ZSCAN20: variants seen among roughly 807,000 people sequenced by gnomAD.
The protein encoded by ZSCAN20 is zinc finger and SCAN domain-containing protein 20.
In ZSCAN20, 39 loss-of-function variants were observed where a neutral mutation model predicts 97.1. The observed-to-expected ratio is 0.40, with a 90% CI of 0.31 to 0.52. The LOEUF (loss-of-function observed/expected upper bound fraction) is 0.52. Ranked by LOEUF, ZSCAN20 falls within the 20% of genes least tolerant of loss-of-function variation. The pLI is 0.49. For missense variants in ZSCAN20, 1,115 were observed against 1,290.4 expected, an observed-to-expected ratio of 0.86 and a Z score of 2.08; for synonymous variants, 456 against 467.3, an observed-to-expected ratio of 0.98 and a Z score of 0.31.
chr1:33,490,088 G>A (rs1005799670), intron 5 of ZSCAN20, among the ~76,000 whole-genome samples: 2 of 152,148 alleles, frequency 1.3e-5, no homozygotes, highest in African/African-American at 4.8e-5. Flanking sequence ...ATAGGGAGCC[G>A]TTTCCCTGTG....
chr1:33,475,180 A>G (rs1651873272), intron 1 of ZSCAN20, among the ~76,000 whole-genome samples: 1 of 152,230 alleles, frequency 6.6e-6, no homozygotes. Flanking sequence ...AAGAAAAATG[A>G]TTGGAGAAAA....
At position 33,494,857 on chromosome 1, in the gene ZSCAN20, G is replaced by T. The variant is rs137945404; in HGVS notation, c.2513G>T (p.Ser838Ile). The T allele has an allele frequency of 6.2e-7, 1 of 1,614,212 alleles. No homozygotes were observed. The highest frequency in any genetic ancestry group is 8.5e-7 in the Non-Finnish European group (1 of 1,180,042). ...AACTTTGCCCAAAGCCCATCTTTTA[G>T]TGCTCACTGGAGGAATTCTACAGAA... The part of the protein sequence containing the change: ...GGNFAQSPSF[S>I]AHWRNSTEET... Residue 838 changes from serine (S) to isoleucine (I), a missense_variant, in exon 8 of 8, where the codon AGT (serine) becomes ATT (isoleucine). Physicochemically the swap from Ser to Ile is moderately radical, Grantham distance 142. Around this residue, in one of 3 missense-constraint regions of ZSCAN20, gnomAD observed 554 missense variants for 584.9 expected, o/e 0.95. Coordinates refer to ENST00000684572, the MANE Select transcript of ZSCAN20 (RefSeq NM_001377376.1).
rs2641958 is a variant in ZSCAN20 at position 33,499,777 on chromosome 1, G to T, written c.*4301G>T. On this transcript the variant is annotated 3_prime_UTR_variant, in exon 8 of 8. Transcript: ENST00000684572. The stretch of plus-strand genomic sequence containing the variant: ...AATATTCCCTTACCCCATTTTTTTT[G>T]GGGGGGAGATGGGGGTCTTGTGTTG... Among the ~76,000 whole-genome samples the T allele has an allele frequency of 0.77, 115,476 of 150,928 alleles. 44,429 individuals carry two copies. Among genetic ancestry groups the T allele is most frequent in the African/African-American group, 0.81 (33,292 of 41,026 alleles).
chr1:33,485,361 G>A (rs556749442), intron 2 of ZSCAN20, among the ~76,000 whole-genome samples: 3 of 152,218 alleles, frequency 2.0e-5, no homozygotes, highest in South Asian at 4.2e-4. Context: ...GGGATCTGTA[G>A]TGATGTCTCT....
intron 2 of ZSCAN20, among the ~76,000 whole-genome samples, chr1:33,480,238 G>T (rs572563702): frequency 6.6e-6 from 1 of 152,348 alleles, no homozygotes; most frequent in East Asian, 1.9e-4. Context: ...GCCGGGAGTG[G>T]TGGCTCACGC....
chr1:33,473,209 T>C (rs1001360941), intron 1 of ZSCAN20, among the ~76,000 whole-genome samples: 1 of 152,184 alleles, frequency 6.6e-6, no homozygotes, highest in African/African-American at 2.4e-5. Flanking sequence ...CCTTATGTCT[T>C]ATGGAAGTCA....
intron 2 of ZSCAN20, among the ~76,000 whole-genome samples, chr1:33,482,489 G>A (rs1012917723): frequency 6.6e-6 from 1 of 152,154 alleles, no homozygotes; most frequent in African/African-American, 2.4e-5. Flanking sequence ...GGACATCTTG[G>A]TTCCATCAAA....
In ZSCAN20 at chr1:33,495,580, C is replaced by A; in HGVS notation, c.*104C>A. 1 of 1,108,756 alleles carries A rather than the reference C, an allele frequency of 9.0e-7. No individual in the cohort carries two copies. Among genetic ancestry groups the A allele is most frequent in the Non-Finnish European group, 1.2e-6 (1 of 840,270 alleles). The allele number at this position is 1,108,756 out of a possible 1,614,324, so 68.7% of individuals were successfully genotyped here. A position where few individuals can be genotyped will look rare whatever the true frequency, so the allele number is the denominator to read the frequency against. ...CCAATTTTTAAGCTTGGTGTGTACC[C>A]AGGGAAGTTATCTTGGTATAAACCA... On this transcript the variant is annotated 3_prime_UTR_variant, in exon 8 of 8. Transcript: ENST00000684572.
At chr1:33,480,898 A>G (rs16835509) in intron 2 of ZSCAN20, among the ~76,000 whole-genome samples, 2,567 of 152,228 alleles carry the variant, frequency 0.017, 49 homozygotes, top group East Asian at 0.1. Flanking sequence ...TCTAAACATG[A>G]CTTTTTCTCT....
At chr1:33,475,331 A>C (rs965097863) in intron 1 of ZSCAN20, among the ~76,000 whole-genome samples, 10 of 152,238 alleles carry the variant, frequency 6.6e-5, no homozygotes, top group African/African-American at 2.4e-4. Flanking sequence ...TCTAAGGGTG[A>C]AAATCACTTT....
intron 2 of ZSCAN20, among the ~76,000 whole-genome samples, chr1:33,481,971 CCTAA>C (rs1277767458): frequency 6.6e-6 from 1 of 152,136 alleles, no homozygotes; most frequent in Non-Finnish European, 1.5e-5. Flanking sequence ...GACAAGCCTC[CCTAA>C]CTATCAACAT....
chr1:33,483,271 T>C (rs1652224981), intron 2 of ZSCAN20, among the ~76,000 whole-genome samples: 1 of 149,600 alleles, frequency 6.7e-6, no homozygotes, highest in African/African-American at 2.5e-5. Flanking sequence ...TTTTTTCATG[T>C]GGATGTCCAG....
rs1652980442 is a variant in ZSCAN20, at chr1:33,499,301, C to G, written c.*3825C>G. 6.6e-6 allele frequency among the ~76,000 whole-genome samples: 1 copy of G among 152,206 alleles called. No individual in the cohort carries two copies. Among genetic ancestry groups the G allele is most frequent in the Admixed American group, 6.5e-5 (1 of 15,286 alleles). ...TTCTGGGTCTTTGTACTCCAGAGTT[C>G]TGTCCTAGGCTTGCTTCTTCATTCA... is the stretch of plus-strand genomic sequence containing the variant. On this transcript the variant is annotated 3_prime_UTR_variant, in exon 8 of 8. Coordinates refer to ENST00000684572, the MANE Select transcript of ZSCAN20 (RefSeq NM_001377376.1).
chr1:33,473,307 C>T (rs538928215), intron 1 of ZSCAN20, among the ~76,000 whole-genome samples: 4 of 152,292 alleles, frequency 2.6e-5, no homozygotes, highest in African/African-American at 9.6e-5. Flanking sequence ...ATCTTCCGAT[C>T]TTTAATTTCT....
rs536501510 is a variant in ZSCAN20 at position 33,475,878 on chromosome 1, C to T, written c.-111+3187C>T. ...AGAGACAGGGTTTCACCATGTTGGCCAGGCTGGTCTCGAACTCCTGACCTT... is the reference window on the plus strand; with the variant it reads ...AGAGACAGGGTTTCACCATGTTGGCTAGGCTGGTCTCGAACTCCTGACCTT... On this transcript the variant is annotated intron_variant, in intron 1 of 7. Transcript: ENST00000684572. 9.1e-4 allele frequency among the ~76,000 whole-genome samples: 138 copies of T among 151,504 alleles called. 1 individual carries two copies. The highest frequency in any genetic ancestry group is 1.5e-3 in the Non-Finnish European group (104 of 67,934).
rs1449111438 is a variant in ZSCAN20 at position 33,501,282 on chromosome 1, TCCTGG to T, written c.*5807_*5811del. Among the ~76,000 whole-genome samples, 2 of 152,330 alleles carry T rather than the reference TCCTGG, an allele frequency of 1.3e-5. No homozygotes were observed. Among genetic ancestry groups the T allele is most frequent in the African/African-American group, 4.8e-5 (2 of 41,570 alleles). On this transcript the variant is annotated 3_prime_UTR_variant, in exon 8 of 8. Transcript: ENST00000684572. ...GCTCACGCTAAACCCGGTTGGTGTGTCCTGGAGAAGCACAGGTGTCATCTCCAGGG... is the reference window on the plus strand; with the variant it reads ...GCTCACGCTAAACCCGGTTGGTGTGTAGAAGCACAGGTGTCATCTCCAGGG...
rs1570562119 is a variant in ZSCAN20, at chr1:33,491,675, G to A, written c.1417G>A (p.Ala473Thr). Residue 473 changes from alanine to threonine, a missense_variant, in exon 6 of 8, where the codon GCC (alanine) becomes ACC (threonine). Transcript: ENST00000684572. This position sits in a 1 kb window ranked among gnomAD's most constrained non-coding sequence, Gnocchi z 4.3. ...TACCCAGGGGCCCAGGATTGCAGGG[G>A]CCCCAGCTCTGTTCCAGAGTCGTAT... The part of the protein sequence containing the change: ...ESTQGPRIAG[A>T]PALFQSRIAG... The A allele has an allele frequency of 6.2e-7, 1 of 1,603,964 alleles. No homozygotes were observed. Among genetic ancestry groups the A allele is most frequent in the Non-Finnish European group, 8.5e-7 (1 of 1,176,334 alleles).
At position 33,479,691 on chromosome 1, in the gene ZSCAN20, A is replaced by G; in HGVS notation, c.403A>G (p.Thr135Ala). 1 of 1,553,634 alleles carries G rather than the reference A, an allele frequency of 6.4e-7. No homozygotes were observed. Among genetic ancestry groups the G allele is most frequent in the Non-Finnish European group, 8.7e-7 (1 of 1,153,074 alleles). ...LVEDWHRETR[T>A]AGQSGLELHT... ...GGAGGATTGGCACCGAGAGACCAGGACTGCAGGACAGTCGGTGAGACAAAC... is the reference window on the plus strand; with the variant it reads ...GGAGGATTGGCACCGAGAGACCAGGGCTGCAGGACAGTCGGTGAGACAAAC... The change falls in exon 2 of 8, where the codon ACT (threonine) becomes GCT (alanine). Residue 135 changes from threonine (T) to alanine (A), a missense_variant. Thr to Ala is a moderately conservative substitution (Grantham distance 58). Around this residue, in one of 3 missense-constraint regions of ZSCAN20, gnomAD observed 508 missense variants for 611.2 expected, o/e 0.83. Transcript: ENST00000684572.
rs1652463212 is a variant in ZSCAN20, at chr1:33,488,581, G to A, written c.534G>A (p.Val178=). The change falls in exon 3 of 8, where the codon GTG becomes GTA. Residue 178 remains valine, a synonymous_variant. Transcript: ENST00000684572. ...WPEGQSQKKG[V]KNTCPDLPNH... is the part of the protein sequence containing the mutation. ...AGGGACAGTCCCAGAAGAAGGGGGT[G>A]AAGAATACATGCCCTGACCTTCCCA... 6 of 1,613,346 alleles carry A rather than the reference G, an allele frequency of 3.7e-6. No individual in the cohort carries two copies. The highest frequency in any genetic ancestry group is 5.1e-6 in the Non-Finnish European group (6 of 1,179,810).
Sources: gnomAD v4.1 joint callset for allele counts (sites outside exome capture counted in the v4.1 genomes callset) on GRCh38, gnomAD v4.1.1 for gene constraint, gnomAD v4.1.1 regional missense constraint, Gnocchi (gnomAD v3.1) non-coding constraint, MANE v1.5 for transcripts, NCBI Gene and HGNC (gene_info 2026-07-23, HGNC 2026-07-21) for gene names.